ZNF366: variants seen among roughly 807,000 people sequenced by gnomAD.
The protein encoded by ZNF366 is dendritic cell-specific transcript protein.
ZNF366 carries 20 observed loss-of-function variants against 47.2 expected under a neutral mutation model. The ratio of observed to expected loss-of-function variants is 0.42; its 90% confidence interval spans 0.30 to 0.62. ZNF366 has a LOEUF of 0.62. Among genes scored for constraint, ZNF366 ranks in the 20% least tolerant of loss-of-function variants. The pLI is 0.16. For missense variants in ZNF366, 987 were observed against 976.3 expected (o/e 1.01, Z -0.15); for synonymous variants, 421 against 395.1 (o/e 1.07, Z -0.78).
chr5:72,462,553 T>TCTTTCTTTCTTTCTTTCTTTC (rs1476213047), intron 1 of ZNF366, among the ~76,000 whole-genome samples: 1 of 146,340 alleles, frequency 6.8e-6, no homozygotes, highest in African/African-American at 2.6e-5. Flanking sequence ...CTTTCTTTTT[T>TCTTTCTTTCTTTCTTTCTTTC]TTTTTTTTTG....
chr5:72,469,040 A>T (rs1157754849), intron 1 of ZNF366, among the ~76,000 whole-genome samples: 1 of 152,244 alleles, frequency 6.6e-6, no homozygotes, highest in Non-Finnish European at 1.5e-5. Flanking sequence ...TATGTGTGTT[A>T]GAAACCTTCA....
chr5:72,501,181 G>A (rs946758232), intron 1 of ZNF366, among the ~76,000 whole-genome samples: 4 of 152,146 alleles, frequency 2.6e-5, no homozygotes, highest in Admixed American at 1.3e-4. Context: ...AATTGTTGGC[G>A]CTGGTGGTGG....
Position 72,460,560 on chromosome 5 carries a change from C to G in ZNF366, c.937G>C (p.Val313Leu), listed in dbSNP as rs1212427125. 1.9e-6 allele frequency: 3 copies of G among 1,613,988 alleles called. No individual in the cohort carries two copies. The highest frequency in any genetic ancestry group is 2.5e-6 in the Non-Finnish European group (3 of 1,180,034). ...GTCTGGGTGAAGGCCTTGTGGCACACCTGGCACTTGTGGGGCCGCGTGCCC... is the reference window on the plus strand; with the variant it reads ...GTCTGGGTGAAGGCCTTGTGGCACAGCTGGCACTTGTGGGGCCGCGTGCCC... ...HQGTRPHKCQ[V>L]CHKAFTQTSH... The change falls in exon 2 of 5, where the codon GTG (valine) becomes CTG (leucine). Residue 313 changes from valine (V) to leucine (L), a missense_variant. Physicochemically the swap from Val to Leu is conservative, Grantham distance 32. Transcript: ENST00000318442.
At chr5:72,451,816 G>A (rs953009092) in intron 3 of ZNF366, among the ~76,000 whole-genome samples, 4 of 152,348 alleles carry the variant, frequency 2.6e-5, no homozygotes, top group Middle Eastern at 3.4e-3. Flanking sequence ...GGAGAGGGCC[G>A]AGTTATTTGG....
chr5:72,505,704 C>G (rs1197606407), intron 1 of ZNF366, among the ~76,000 whole-genome samples: 1 of 152,224 alleles, frequency 6.6e-6, no homozygotes, highest in Non-Finnish European at 1.5e-5. Flanking sequence ...GTCAAGATCG[C>G]AGACCTGCGT....
At chr5:72,444,683 A>T (rs1236018506) in intron 4 of ZNF366, among the ~76,000 whole-genome samples, 1 of 152,222 alleles carries the variant, frequency 6.6e-6, no homozygotes, top group East Asian at 1.9e-4. Context: ...ATAAATAATG[A>T]TATATCCATA....
chr5:72,440,040 A>G lies in ZNF366; in HGVS notation c.*3716T>C, dbSNP rs1416708069. ...ATATACTTAGAGTTTTAGTTTTTAA[A>G]TAGCAAGCCAGAGTTCTGTACAAAA... On this transcript the variant is annotated 3_prime_UTR_variant, in exon 5 of 5. Coordinates refer to ENST00000318442, the MANE Select transcript of ZNF366 (RefSeq NM_152625.3). 2 of 152,256 alleles carry G rather than the reference A, an allele frequency of 1.3e-5. No homozygotes were observed. Among genetic ancestry groups the G allele is most frequent in the Non-Finnish European group, 2.9e-5 (2 of 68,038 alleles). 9.4% of individuals were successfully genotyped at this position (152,256 alleles called of 1,614,324 possible).
chr5:72,480,259 G>T (rs568028608), intron 1 of ZNF366, among the ~76,000 whole-genome samples: 1 of 152,134 alleles, frequency 6.6e-6, no homozygotes, highest in Non-Finnish European at 1.5e-5. Flanking sequence ...AGACACTGAG[G>T]GGCCTATTCT....
intron 1 of ZNF366, among the ~76,000 whole-genome samples, chr5:72,483,289 A>G (rs1743825023): frequency 6.6e-6 from 1 of 152,166 alleles, no homozygotes; most frequent in Admixed American, 6.5e-5. Context: ...ATGATGTTTG[A>G]GAGGGTAAAG....
chr5:72,494,956 A>G (rs1744082428), intron 1 of ZNF366, among the ~76,000 whole-genome samples: 1 of 152,170 alleles, frequency 6.6e-6, no homozygotes, highest in African/African-American at 2.4e-5. Flanking sequence ...AACCCCCCGC[A>G]TAATGTCACA....
chr5:72,447,821 A>G (rs1742990016), intron 3 of ZNF366, among the ~76,000 whole-genome samples: 1 of 152,212 alleles, frequency 6.6e-6, no homozygotes, highest in Non-Finnish European at 1.5e-5. Context: ...ACCATGGAAT[A>G]TCTTATTTAA....
chr5:72,505,065 T>C (rs1322096302), intron 1 of ZNF366, among the ~76,000 whole-genome samples: 1 of 152,242 alleles, frequency 6.6e-6, no homozygotes, highest in Non-Finnish European at 1.5e-5. Flanking sequence ...AAAATGTGTA[T>C]AAGAAATTGT....
In ZNF366 at chr5:72,460,291, G is replaced by A; in HGVS notation, c.1206C>T (p.Phe402=). The change falls in exon 2 of 5, where the codon TTC becomes TTT. Residue 402 remains phenylalanine, a synonymous_variant. Transcript: ENST00000318442. The part of the protein sequence containing the change: ...QYNCSECDKT[F]QYPSQLQNHM... Reference sequence around the variant, plus strand: ...GGTTCTGCAGCTGGCTCGGGTACTGGAAGGTCTTGTCGCACTCGGAGCAGT... The same window carrying A: ...GGTTCTGCAGCTGGCTCGGGTACTGAAAGGTCTTGTCGCACTCGGAGCAGT... 6.2e-7 allele frequency: 1 copy of A among 1,614,250 alleles called. No individual in the cohort carries two copies. Among genetic ancestry groups the A allele is most frequent in the East Asian group, 2.2e-5 (1 of 44,890 alleles).
intron 1 of ZNF366, among the ~76,000 whole-genome samples, chr5:72,488,889 C>T (rs1294841960): frequency 6.6e-6 from 1 of 152,212 alleles, no homozygotes; most frequent in Admixed American, 6.5e-5. Flanking sequence ...GCCTCAATTC[C>T]TCAGCTATAA....
rs551123332 is a variant in ZNF366, at chr5:72,464,533, CA to C, written c.-14-3024del. Reference sequence around the variant, plus strand: ...TTTTGTCACCATTGTCCTAGTAAAGCAAAAAAAAAAATGTCGAACAGAGATG... The same window carrying C: ...TTTTGTCACCATTGTCCTAGTAAAGCAAAAAAAAAATGTCGAACAGAGATG... On this transcript the variant is annotated intron_variant, in intron 1 of 4. Coordinates refer to ENST00000318442, the MANE Select transcript of ZNF366 (RefSeq NM_152625.3). 4.6e-3 allele frequency among the ~76,000 whole-genome samples: 658 copies of C among 142,420 alleles called. 2 individuals carry two copies. The highest frequency in any genetic ancestry group is 0.014 in the African/African-American group (548 of 39,062). 93.4% of individuals were successfully genotyped at this position (142,420 alleles called of 152,430 possible). A position where few individuals can be genotyped will look rare whatever the true frequency, so the allele number is the denominator to read the frequency against.
At chr5:72,456,293 C>G in intron 3 of ZNF366, 111 bp downstream of exon 3, 2 of 1,268,114 alleles carry the variant, frequency 1.6e-6, no homozygotes, top group Non-Finnish European at 1.1e-6. Flanking sequence ...CACGGACCTA[C>G]TCTGAGCCCC....
chr5:72,463,953 C>T (rs1402107049), intron 1 of ZNF366, among the ~76,000 whole-genome samples: 1 of 152,164 alleles, frequency 6.6e-6, no homozygotes, highest in Non-Finnish European at 1.5e-5. Flanking sequence ...TCATTTGGAA[C>T]ACAGTCGGTT....
At chr5:72,503,017 C>T (rs1205035823) in intron 1 of ZNF366, among the ~76,000 whole-genome samples, 3 of 151,922 alleles carry the variant, frequency 2.0e-5, no homozygotes, top group East Asian at 3.9e-4. Flanking sequence ...CGCAGCTACT[C>T]GGGAGGCTGA....
chr5:72,483,031 G>C lies in ZNF366; in HGVS notation c.-14-21521C>G, dbSNP rs112529608. 6.3e-3 allele frequency among the ~76,000 whole-genome samples: 960 copies of C among 152,232 alleles called. 7 individuals carry two copies. The highest frequency in any genetic ancestry group is 0.022 in the African/African-American group (920 of 41,526). Reference sequence around the variant, plus strand: ...AGACTGAGTCCTGTTCTCTTTCTCTGTAGATGCTGTTTTAAAGAAATTAGC... The same window carrying C: ...AGACTGAGTCCTGTTCTCTTTCTCTCTAGATGCTGTTTTAAAGAAATTAGC... On this transcript the variant is annotated intron_variant, in intron 1 of 4. Coordinates refer to ENST00000318442, the MANE Select transcript of ZNF366 (RefSeq NM_152625.3).
Sources: allele counts gnomAD v4.1 joint callset (sites outside exome capture counted in the v4.1 genomes callset), GRCh38; gene constraint gnomAD v4.1.1; transcripts MANE v1.5; gene names NCBI Gene and HGNC (gene_info 2026-07-23, HGNC 2026-07-21).